Variants in TBC1D4 observed in about 807,000 individuals in gnomAD.
TBC1D4 encodes TBC (Tre-2, BUB2, CDC16) domain-containing protein.
A neutral mutation model predicts 142.5 loss-of-function variants in TBC1D4; 121 were observed. That is an observed-to-expected ratio of 0.85 (90% CI 0.73 to 0.99). The LOEUF is 0.99. Ranked by LOEUF, TBC1D4 falls within the 50% of genes least tolerant of loss-of-function variation. The probability of loss-of-function intolerance (pLI) is 0.00; values close to 1 mark genes in which losing one functional copy is unlikely to be tolerated. For synonymous variants in TBC1D4, 630 were observed against 628.2 expected (o/e 1.00, Z -0.04); for missense variants, 1,475 against 1,606.6 (o/e 0.92, Z 1.40).
At chr13:75,306,721 CT>C (rs960724458) in intron 14 of TBC1D4, among the ~76,000 whole-genome samples, 2 of 152,100 alleles carry the variant, frequency 1.3e-5, no homozygotes, top group African/African-American at 4.8e-5. Flanking sequence ...TATGGCGACT[CT>C]GCTAAGTATA....
Position 75,401,838 on chromosome 13 carries a change from C to A in TBC1D4, c.499-39231G>T, listed in dbSNP as rs189450546. On this transcript the variant is annotated intron_variant, in intron 1 of 20. Transcript: ENST00000377636. ...CACTGTAAACTCCATGGAGACAGAC[C>A]CTTTTTCAGTCCTGGAGACTGGAAC... Among the ~76,000 whole-genome samples, 207 of 152,202 alleles carry A rather than the reference C, an allele frequency of 1.4e-3. 2 individuals carry two copies. Among genetic ancestry groups the A allele is most frequent in the African/African-American group, 4.8e-3 (199 of 41,528 alleles).
At chr13:75,388,283 T>C (rs1407473320) in intron 1 of TBC1D4, among the ~76,000 whole-genome samples, 1 of 152,198 alleles carries the variant, frequency 6.6e-6, no homozygotes, top group African/African-American at 2.4e-5. Flanking sequence ...AATATATTCA[T>C]AGGTTCCTGG....
chr13:75,359,803 T>C lies in TBC1D4; in HGVS notation c.1136A>G (p.Glu379Gly), dbSNP rs1434001619. The change falls in exon 3 of 21, where the codon GAA becomes GGA. Residue 379 changes from glutamate to glycine, a missense_variant. Glu to Gly is a moderately conservative substitution (Grantham distance 98). Coordinates refer to ENST00000377636, the MANE Select transcript of TBC1D4 (RefSeq NM_014832.5). ...ISPDTKSVVL[E>G]KNFKDISSCS... ...AGAGGAGATATCTTTAAAATTCTTT[T>C]CTAGCACAACTGATTTAGTGTCTGG... is the stretch of plus-strand genomic sequence containing the variant. The C allele has an allele frequency of 3.1e-6, 5 of 1,613,578 alleles. No homozygotes were observed. The Admixed American group carries it at 8.3e-5, about 27-fold the overall frequency.
intron 1 of TBC1D4, among the ~76,000 whole-genome samples, chr13:75,379,325 G>T (rs374085542): frequency 1.5e-4 from 23 of 152,010 alleles, no homozygotes; most frequent in African/African-American, 5.6e-4. Context: ...AGTGTTCAAT[G>T]AAATCAATAT....
chr13:75,364,640 A>G (rs781542441), intron 1 of TBC1D4, among the ~76,000 whole-genome samples: 8 of 152,226 alleles, frequency 5.3e-5, no homozygotes, highest in Admixed American at 2.0e-4. Flanking sequence ...GCTAGCTGAC[A>G]CTCAACCGTG....
chr13:75,456,525 G>A (rs1887742113), intron 1 of TBC1D4, among the ~76,000 whole-genome samples: 1 of 151,796 alleles, frequency 6.6e-6, no homozygotes, highest in South Asian at 2.1e-4. Context: ...ACATCCAAAT[G>A]GCCAATGCAT....
intron 1 of TBC1D4, among the ~76,000 whole-genome samples, chr13:75,432,305 T>C (rs1259549908): frequency 6.6e-6 from 1 of 152,198 alleles, no homozygotes; most frequent in Non-Finnish European, 1.5e-5. Flanking sequence ...CCAGATGTTC[T>C]ATGGCCCCAG....
intron 1 of TBC1D4, among the ~76,000 whole-genome samples, chr13:75,445,460 T>G (rs1262591085): frequency 2.0e-5 from 3 of 152,182 alleles, no homozygotes; most frequent in Non-Finnish European, 4.4e-5. Flanking sequence ...TATAACATCA[T>G]CTATTGTTGT....
chr13:75,304,477 TG>T (rs1276138881), intron 15 of TBC1D4, among the ~76,000 whole-genome samples: 1 of 152,032 alleles, frequency 6.6e-6, no homozygotes, highest in East Asian at 1.9e-4. Flanking sequence ...TGTGCAGTGG[TG>T]GGGTAAGAAA....
In TBC1D4 at chr13:75,404,291, A is replaced by G. The variant is rs79713027; in HGVS notation, c.499-41684T>C. Among the ~76,000 whole-genome samples, 631 of 152,340 alleles carry G rather than the reference A, an allele frequency of 4.1e-3. 2 individuals are homozygous for G. Among genetic ancestry groups the G allele is most frequent in the African/African-American group, 0.014 (569 of 41,582 alleles). ...TTTTAGATTTACAGAAAAGGTGAAGATAGTTGAAAAAGTTTCCTTATAAAT... is the reference window on the plus strand; with the variant it reads ...TTTTAGATTTACAGAAAAGGTGAAGGTAGTTGAAAAAGTTTCCTTATAAAT... On this transcript the variant is annotated intron_variant, in intron 1 of 20. Transcript: ENST00000377636.
chr13:75,399,563 A>G (rs1884975181), intron 1 of TBC1D4, among the ~76,000 whole-genome samples: 1 of 152,228 alleles, frequency 6.6e-6, no homozygotes, highest in South Asian at 2.1e-4. Flanking sequence ...GATTTAATGA[A>G]TGCAATTCTG....
At position 75,286,892 on chromosome 13, in the gene TBC1D4, C is replaced by T. The variant is rs202186099; in HGVS notation, c.3797G>A (p.Arg1266Gln). ...TAGAGCATCCGCGGGCAGCAGCTTCCGGAGTTGCTCCACTGTCTTTTGATA... is the reference window on the plus strand; with the variant it reads ...TAGAGCATCCGCGGGCAGCAGCTTCTGGAGTTGCTCCACTGTCTTTTGATA... ...MAYQKTVEQL[R>Q]KLLPADALVN... Residue 1266 changes from arginine (R) to glutamine (Q), a missense_variant, in exon 21 of 21, where the codon CGG becomes CAG. Coordinates refer to ENST00000377636, the MANE Select transcript of TBC1D4 (RefSeq NM_014832.5). The T allele has an allele frequency of 3.1e-5, 50 of 1,613,976 alleles. No homozygotes were observed. Among genetic ancestry groups the T allele is most frequent in the Middle Eastern group, 3.3e-4 (2 of 6,060 alleles).
intron 3 of TBC1D4, among the ~76,000 whole-genome samples, chr13:75,356,754 T>C (rs1429821024): frequency 7.9e-5 from 12 of 152,210 alleles, no homozygotes; most frequent in Non-Finnish European, 1.5e-5. Flanking sequence ...CAGCCACACT[T>C]AAAAGACTGA....
chr13:75,315,417 T>TAC lies in TBC1D4; in HGVS notation c.2223-2521_2223-2520dup, dbSNP rs1555302447. ...ATATATACACACATATATATATATA[T>TAC]ACACACACATATATATATATATATT... On this transcript the variant is annotated intron_variant, in intron 12 of 20. Transcript: ENST00000377636. Among the ~76,000 whole-genome samples, 306 of 33,560 alleles carry TAC rather than the reference T, an allele frequency of 9.1e-3. 3 individuals are homozygous for TAC. Among genetic ancestry groups the TAC allele is most frequent in the Middle Eastern group, 0.026 (1 of 38 alleles). The allele number at this position is 33,560 out of a possible 152,430, so 22.0% of individuals were successfully genotyped here. A position where few individuals can be genotyped will look rare whatever the true frequency, so the allele number is the denominator to read the frequency against.
chr13:75,397,052 T>A (rs1045365391), intron 1 of TBC1D4, among the ~76,000 whole-genome samples: 1 of 152,014 alleles, frequency 6.6e-6, no homozygotes, highest in East Asian at 1.9e-4. Flanking sequence ...GGGCCCTAGC[T>A]GAGGAGGATC....
chr13:75,381,282 C>T (rs1386544357), intron 1 of TBC1D4, among the ~76,000 whole-genome samples: 1 of 152,176 alleles, frequency 6.6e-6, no homozygotes, highest in East Asian at 1.9e-4. Flanking sequence ...AACACCAGTC[C>T]TTCCTCACCG....
Position 75,286,840 on chromosome 13 carries a change from GTC to G in TBC1D4, c.3847_3848del (p.Asp1283ProfsTer6). The G allele has an allele frequency of 6.2e-7, 1 of 1,613,920 alleles. No homozygotes were observed. The highest frequency in any genetic ancestry group is 8.5e-7 in the Non-Finnish European group (1 of 1,179,954). ...CTTTGTTGTTAGGGTTGCAGTTTAG[GTC>G]TCTCAGCAACAGGTCACAATTGACT... ...ALVNCDLLLR[D>X]LNCNPNNKAK... On this transcript the variant is annotated frameshift_variant, in exon 21 of 21. Coordinates refer to ENST00000377636, the MANE Select transcript of TBC1D4 (RefSeq NM_014832.5). LOFTEE classifies it high-confidence loss of function.
At chr13:75,344,274 G>A (rs1363831050) in intron 5 of TBC1D4, among the ~76,000 whole-genome samples, 2 of 152,190 alleles carry the variant, frequency 1.3e-5, no homozygotes, top group Non-Finnish European at 2.9e-5. Context: ...GACTAACATG[G>A]AAGATAAAAG....
chr13:75,314,201 T>C (rs902290327), intron 12 of TBC1D4, among the ~76,000 whole-genome samples: 1 of 152,206 alleles, frequency 6.6e-6, no homozygotes, highest in Non-Finnish European at 1.5e-5. Flanking sequence ...ATCTTACATT[T>C]TTAAGTTTCA....
Sources: allele counts gnomAD v4.1 joint callset (sites outside exome capture counted in the v4.1 genomes callset), GRCh38; gene constraint gnomAD v4.1.1; transcripts MANE v1.5; gene names NCBI Gene and HGNC (gene_info 2026-07-23, HGNC 2026-07-21).